Variants in MS4A6E observed in about 807,000 individuals in gnomAD.
MS4A6E encodes membrane spanning 4-domains A6E.
A neutral mutation model predicts 13.2 loss-of-function variants in MS4A6E; 8 were observed. The ratio of observed to expected loss-of-function variants is 0.60; its 90% confidence interval spans 0.35 to 1.09. The LOEUF (loss-of-function observed/expected upper bound fraction) is 1.09, where lower values mean the gene tolerates loss of function less well. Ranked by LOEUF, MS4A6E falls within the 50% of genes least tolerant of loss-of-function variation. The probability of loss-of-function intolerance (pLI) is 0.02; values close to 1 mark genes in which losing one functional copy is unlikely to be tolerated. For synonymous variants in MS4A6E, 72 were observed against 67.6 expected (o/e 1.06, Z -0.32); for missense variants, 177 against 171.1 (o/e 1.03, Z -0.19).
At chr11:60,328,408 C>T (rs1267616677) in intron 1 of MS4A6E, among the ~76,000 whole-genome samples, 1 of 152,064 alleles carries the variant, frequency 6.6e-6, no homozygotes, top group East Asian at 1.9e-4. Context: ...AGATACTATT[C>T]ACTAGAACAG....
intron 4 of MS4A6E, 36 bp downstream of exon 4, chr11:60,340,000 A>C (rs1565157116): frequency 6.2e-7 from 1 of 1,606,808 alleles, no homozygotes; most frequent in Non-Finnish European, 8.5e-7. Flanking sequence ...AATCTTGCCT[A>C]GTGTATCTTA....
In MS4A6E at chr11:60,337,780, T is replaced by C. The variant is rs1346090215; in HGVS notation, c.187T>C (p.Ser63Pro). ...GGCTGGAAGCATTCTGAGTGCTCTG[T>C]CTGCCCTGGTGGGTTTCATTCTCCT... ...SLAGSILSALSALVGFILLSV... is the reference protein window; with the variant it reads ...SLAGSILSALPALVGFILLSV... The change falls in exon 3 of 5, where the codon TCT becomes CCT. Residue 63 changes from serine (S) to proline (P), a missense_variant. Ser to Pro is a moderately conservative substitution (Grantham distance 74). Coordinates refer to ENST00000684409, the MANE Select transcript of MS4A6E (RefSeq NM_139249.4). The C allele has an allele frequency of 3.1e-6, 5 of 1,614,236 alleles. No individual in the cohort carries two copies. The highest frequency in any genetic ancestry group is 4.2e-6 in the Non-Finnish European group (5 of 1,180,042).
At chr11:60,348,222 G>T (rs77904860) in intron 4 of MS4A6E, among the ~76,000 whole-genome samples, 1,821 of 152,234 alleles carry the variant, frequency 0.012, 82 homozygotes, top group Admixed American at 0.085. Context: ...TTGTGGAGGG[G>T]CGCACAAAGG....
At chr11:60,329,197 T>C (rs1015576435) in intron 1 of MS4A6E, among the ~76,000 whole-genome samples, 2 of 147,448 alleles carry the variant, frequency 1.4e-5, no homozygotes, top group East Asian at 2.0e-4. Flanking sequence ...CCTGTGCCCA[T>C]ATATTCTCGT....
At chr11:60,327,561 T>C (rs1006699882) in intron 1 of MS4A6E, among the ~76,000 whole-genome samples, 153 bp downstream of exon 1, 3 of 152,126 alleles carry the variant, frequency 2.0e-5, no homozygotes, top group Non-Finnish European at 4.4e-5. Context: ...AACTGGGTAA[T>C]GGGTAGAGGC....
intron 4 of MS4A6E, among the ~76,000 whole-genome samples, chr11:60,340,279 C>G (rs2085216100): frequency 6.6e-6 from 1 of 152,088 alleles, no homozygotes; most frequent in African/African-American, 2.4e-5. Flanking sequence ...TGAGTCTGTA[C>G]CTGTGCTGAG....
intron 1 of MS4A6E, among the ~76,000 whole-genome samples, chr11:60,329,476 A>C (rs977977139): frequency 1.3e-5 from 2 of 152,228 alleles, no homozygotes; most frequent in Non-Finnish European, 2.9e-5. Flanking sequence ...TCTATATAGC[A>C]GAATGATTTA....
chr11:60,345,226 GC>G (rs1402243324), downstream of MS4A6E, among the ~76,000 whole-genome samples: 3 of 152,172 alleles, frequency 2.0e-5, no homozygotes, highest in Non-Finnish European at 2.9e-5. Context: ...GAGCCACCGC[GC>G]CCTGCCCCTG....
chr11:60,344,431 T>C (rs1404104546), downstream of MS4A6E, among the ~76,000 whole-genome samples: 2 of 152,198 alleles, frequency 1.3e-5, no homozygotes, highest in African/African-American at 4.8e-5. Flanking sequence ...GGGATTATTT[T>C]TAAGACAGAT....
chr11:60,335,019 C>T lies in MS4A6E; in HGVS notation c.124C>T (p.Gln42Ter), dbSNP rs1213033874. ...GCAGGATAGCCTGAAGAAACGTCTA[C>T]AGGCAAAAGTCAAAGTTATTGGGGT... ...QGQDSLKKRL[Q>*]AKVKVIGVHS... The change falls in exon 2 of 5, where the codon CAG (glutamine) becomes TAG (stop). Residue 42 changes from glutamine (Q) to a stop codon, truncating the protein, a stop_gained. Coordinates refer to ENST00000684409, the MANE Select transcript of MS4A6E (RefSeq NM_139249.4). LOFTEE classifies it high-confidence loss of function. 2 of 1,614,022 alleles carry T rather than the reference C, an allele frequency of 1.2e-6. No homozygotes were observed. Among genetic ancestry groups the T allele is most frequent in the Non-Finnish European group, 1.7e-6 (2 of 1,180,016 alleles).
chr11:60,347,628 A>G (rs1265355617), intron 4 of MS4A6E, among the ~76,000 whole-genome samples: 1 of 151,108 alleles, frequency 6.6e-6, no homozygotes, highest in Non-Finnish European at 1.5e-5. Context: ...TTTTGGTATG[A>G]CACAGGGTGG....
intron 1 of MS4A6E, among the ~76,000 whole-genome samples, chr11:60,332,998 C>G (rs1031699220): frequency 6.6e-6 from 1 of 152,196 alleles, no homozygotes; most frequent in Admixed American, 6.5e-5. Context: ...AATGTTTCTT[C>G]CTTTCTTTCC....
rs370652224 is a variant in MS4A6E at position 60,333,404 on chromosome 11, C to T, written c.-14-1478C>T. 2.0e-5 allele frequency among the ~76,000 whole-genome samples: 3 copies of T among 152,178 alleles called. No homozygotes were observed. In the East Asian group the frequency reaches 5.8e-4, roughly 29 times the overall value. ...TTCTAGCTTTTGTTTTCCAGCAATC[C>T]AAAGAACAATATCTCACTAAAAAGT... On this transcript the variant is annotated intron_variant, in intron 1 of 4. Coordinates refer to ENST00000684409, the MANE Select transcript of MS4A6E (RefSeq NM_139249.4).
chr11:60,346,643 T>C (rs1275089374), intron 4 of MS4A6E, among the ~76,000 whole-genome samples: 1 of 152,210 alleles, frequency 6.6e-6, no homozygotes, highest in Non-Finnish European at 1.5e-5. Flanking sequence ...TTGTAGGCCC[T>C]CTAATATACA....
chr11:60,331,863 G>C (rs1011744373), intron 1 of MS4A6E, among the ~76,000 whole-genome samples: 4 of 152,176 alleles, frequency 2.6e-5, no homozygotes, highest in African/African-American at 9.7e-5. Flanking sequence ...ACCCCACAGA[G>C]CTCTCTTGCT....
At chr11:60,333,412 A>T (rs2085169262) in intron 1 of MS4A6E, among the ~76,000 whole-genome samples, 1 of 152,236 alleles carries the variant, frequency 6.6e-6, no homozygotes, top group Non-Finnish European at 1.5e-5. Context: ...TCCAAAGAAC[A>T]ATATCTCACT....
chr11:60,347,751 C>G (rs912655705), intron 4 of MS4A6E, among the ~76,000 whole-genome samples: 4 of 152,082 alleles, frequency 2.6e-5, no homozygotes, highest in African/African-American at 9.7e-5. Flanking sequence ...CCCACCCCAG[C>G]CATGAAACTG....
chr11:60,334,835 TG>T lies in MS4A6E; in HGVS notation c.-14-44del. The T allele has an allele frequency of 3.8e-6, 6 of 1,592,248 alleles. No homozygotes were observed. In the South Asian group the frequency reaches 6.7e-5, roughly 18 times the overall value. On this transcript the variant is annotated intron_variant, in intron 1 of 4. Transcript: ENST00000684409. ...ACTTACCAGTTTTGCAGCCAGAACT[TG>T]GGAGCTCTGTACTTTTAAGAGCTAA...
rs1405327678 is a variant in MS4A6E, at chr11:60,338,592, TTC to T, written c.354+653_354+654del. ...GTAACTGAGAATTATCGCAGGAGAATTCTCTCTCTTTGGAAGAAGAAAAACAA... is the reference window on the plus strand; with the variant it reads ...GTAACTGAGAATTATCGCAGGAGAATTCTCTCTTTGGAAGAAGAAAAACAA... On this transcript the variant is annotated intron_variant, in intron 3 of 4. Coordinates refer to ENST00000684409, the MANE Select transcript of MS4A6E (RefSeq NM_139249.4). 2.0e-5 allele frequency: 3 copies of T among 152,176 alleles called. 1 individual carries two copies. The highest frequency in any genetic ancestry group is 3.8e-4 in the East Asian group (2 of 5,198). 9.4% of individuals were successfully genotyped at this position (152,176 alleles called of 1,614,324 possible).
Sources: allele counts gnomAD v4.1 joint callset (sites outside exome capture counted in the v4.1 genomes callset), GRCh38; gene constraint gnomAD v4.1.1; transcripts MANE v1.5; gene names NCBI Gene and HGNC (gene_info 2026-07-23, HGNC 2026-07-21).